NRG2: variants seen among roughly 807,000 people sequenced by gnomAD.
The protein encoded by NRG2 is pro-neuregulin-2, membrane-bound isoform.
In NRG2, 27 loss-of-function variants were observed where a neutral mutation model predicts 73.9. That is an observed-to-expected ratio of 0.37 (90% confidence interval 0.27 to 0.50). NRG2 has a LOEUF of 0.50. NRG2 is among the 20% of genes least tolerant of loss of function. The pLI is 0.96. For synonymous variants in NRG2, 532 were observed against 541.0 expected (o/e 0.98, Z 0.23); for missense variants, 1,126 against 1,210.1 (o/e 0.93, Z 1.03).
At chr5:140,026,979 T>C (rs1174463827) in intron 1 of NRG2, among the ~76,000 whole-genome samples, 1 of 152,112 alleles carries the variant, frequency 6.6e-6, no homozygotes, top group African/African-American at 2.4e-5. Context: ...CTTCCGTGGG[T>C]CTTTTTTGTT....
At chr5:139,948,898 A>G (rs893282854) in intron 1 of NRG2, among the ~76,000 whole-genome samples, 1 of 152,142 alleles carries the variant, frequency 6.6e-6, no homozygotes, top group South Asian at 2.1e-4. Flanking sequence ...TGAGGGTAAG[A>G]CAGAGGCTAG....
chr5:140,002,775 G>C (rs1433413028), intron 1 of NRG2, among the ~76,000 whole-genome samples: 1 of 152,176 alleles, frequency 6.6e-6, no homozygotes, highest in Admixed American at 6.6e-5. Flanking sequence ...AGAGGGGCAA[G>C]GGTGGAAGCA....
chr5:139,954,244 G>A lies in NRG2; in HGVS notation c.701-66733C>T, dbSNP rs1754450372. 6.6e-6 allele frequency among the ~76,000 whole-genome samples: 1 copy of A among 152,170 alleles called. No individual in the cohort carries two copies. Among genetic ancestry groups the A allele is most frequent in the Non-Finnish European group, 1.5e-5 (1 of 68,020 alleles). Reference sequence around the variant, plus strand: ...CAACCCAGGTCACGGTCACAGCCCTGAGCAGCCAGCAGCAGCCAAGCCAGA... The same window carrying A: ...CAACCCAGGTCACGGTCACAGCCCTAAGCAGCCAGCAGCAGCCAAGCCAGA... On this transcript the variant is annotated intron_variant, in intron 1 of 9. Transcript: ENST00000361474. The surrounding 1 kb of genome is among the most constrained non-coding windows in gnomAD (Gnocchi z 5.0).
At chr5:139,859,345 G>C (rs1201870369) in intron 5 of NRG2, among the ~76,000 whole-genome samples, 1 of 152,180 alleles carries the variant, frequency 6.6e-6, no homozygotes, top group African/African-American at 2.4e-5. Context: ...CAGGCAGACA[G>C]ACACAGGGCA....
At chr5:139,901,676 G>A (rs371685283) in intron 1 of NRG2, among the ~76,000 whole-genome samples, 1 of 152,220 alleles carries the variant, frequency 6.6e-6, no homozygotes, top group African/African-American at 2.4e-5. Context: ...ATGCTAATCT[G>A]CCTTCACACT....
At chr5:139,884,192 CAG>C (rs2127117347) in intron 2 of NRG2, among the ~76,000 whole-genome samples, 1 of 152,244 alleles carries the variant, frequency 6.6e-6, no homozygotes, top group East Asian at 1.9e-4. Context: ...GAAGGAGAGA[CAG>C]ATCCCTCTAC....
intron 5 of NRG2, among the ~76,000 whole-genome samples, chr5:139,860,366 G>A (rs1406609306): frequency 6.6e-6 from 1 of 151,192 alleles, no homozygotes; most frequent in African/African-American, 2.5e-5. Context: ...CTCATTGGGG[G>A]CCCAATTTTT....
intron 3 of NRG2, among the ~76,000 whole-genome samples, chr5:139,873,238 G>C (rs1762972874): frequency 6.6e-6 from 1 of 152,140 alleles, no homozygotes; most frequent in South Asian, 2.1e-4. Context: ...GCATCCCGGA[G>C]CCCCACCCCT....
chr5:139,979,277 C>T (rs532825692), intron 1 of NRG2, among the ~76,000 whole-genome samples: 7 of 152,222 alleles, frequency 4.6e-5, no homozygotes, highest in East Asian at 3.9e-4. Context: ...GTCAGATGGA[C>T]GCCTACGTTC....
intron 1 of NRG2, among the ~76,000 whole-genome samples, chr5:140,033,326 A>G (rs34893944): frequency 0.035 from 5,397 of 152,304 alleles, 307 homozygotes; most frequent in African/African-American, 0.12. Context: ...AAAATGTAAG[A>G]TAAGACCTAC....
intron 1 of NRG2, among the ~76,000 whole-genome samples, chr5:139,939,905 C>A (rs1182733621): frequency 6.6e-6 from 1 of 152,098 alleles, no homozygotes; most frequent in Non-Finnish European, 1.5e-5. Context: ...CAGTGACATG[C>A]AAATCAAACC....
chr5:139,850,698 C>T (rs1195212261), intron 9 of NRG2, among the ~76,000 whole-genome samples: 2 of 152,226 alleles, frequency 1.3e-5, no homozygotes, highest in Admixed American at 6.5e-5. Context: ...GGGTGCTGGC[C>T]CTTGACTTCT....
chr5:139,859,579 AC>A (rs1178052095), intron 5 of NRG2, among the ~76,000 whole-genome samples: 1 of 152,044 alleles, frequency 6.6e-6, no homozygotes, highest in Non-Finnish European at 1.5e-5. Context: ...GCGGGTCTGC[AC>A]TCAGCTCAGG....
At chr5:139,999,676 G>A (rs972868832) in intron 1 of NRG2, among the ~76,000 whole-genome samples, 3 of 152,166 alleles carry the variant, frequency 2.0e-5, no homozygotes, top group Admixed American at 6.5e-5. Context: ...TCCAAACATC[G>A]GTCCCTCCTG....
intron 1 of NRG2, among the ~76,000 whole-genome samples, chr5:139,934,843 T>C (rs1293174907): frequency 2.0e-5 from 3 of 152,182 alleles, no homozygotes; most frequent in Non-Finnish European, 2.9e-5. Context: ...CATTTTATAA[T>C]GAAAAAGGGA....
intron 1 of NRG2, among the ~76,000 whole-genome samples, chr5:140,038,678 C>G (rs936593084): frequency 6.6e-6 from 1 of 152,254 alleles, no homozygotes; most frequent in South Asian, 2.1e-4. Flanking sequence ...AGGCAAAGTA[C>G]GAAACGCGGC....
intron 1 of NRG2, among the ~76,000 whole-genome samples, chr5:140,036,736 T>G (rs1761536680): frequency 6.6e-6 from 1 of 152,080 alleles, no homozygotes; most frequent in Non-Finnish European, 1.5e-5. Flanking sequence ...AAACACAAAA[T>G]TTGGGGGAAA....
intron 1 of NRG2, among the ~76,000 whole-genome samples, chr5:139,931,841 A>G (rs1042578886): frequency 1.3e-5 from 2 of 152,232 alleles, no homozygotes; most frequent in Non-Finnish European, 2.9e-5. Context: ...AAACTGGCTT[A>G]TTTAATGAAC....
chr5:139,884,786 A>G (rs1404845267), intron 2 of NRG2, among the ~76,000 whole-genome samples: 2 of 152,184 alleles, frequency 1.3e-5, no homozygotes, highest in African/African-American at 4.8e-5. Context: ...CTCAATACAG[A>G]TATTTTAGAT....
Sources: allele counts gnomAD v4.1 joint callset (sites outside exome capture counted in the v4.1 genomes callset), GRCh38; gene constraint gnomAD v4.1.1; non-coding constraint Gnocchi (gnomAD v3.1); transcripts MANE v1.5; gene names NCBI Gene and HGNC (gene_info 2026-07-23, HGNC 2026-07-21).